The following GPC6 variants were observed in gnomAD, a reference collection of about 807,000 sequenced individuals.
The protein encoded by GPC6 is glypican-6.
Under a neutral mutation model 55.2 loss-of-function variants are expected in GPC6, and 14 were observed. The observed-to-expected ratio is 0.25, with a 90% CI of 0.17 to 0.40. The LOEUF (loss-of-function observed/expected upper bound fraction) is 0.40, where lower values mean the gene tolerates loss of function less well. Ranked by LOEUF, GPC6 falls within the 10% of genes least tolerant of loss-of-function variation. The pLI, the probability that GPC6 is intolerant of heterozygous loss-of-function variation, is 1.00. For missense variants in GPC6, 641 were observed against 708.5 expected (o/e 0.90, Z 1.08); for synonymous variants, 278 against 259.6 (o/e 1.07, Z -0.68).
chr13:93,959,135 A>T (rs1241075790), intron 3 of GPC6, among the ~76,000 whole-genome samples: 3 of 150,872 alleles, frequency 2.0e-5, no homozygotes, highest in Admixed American at 2.0e-4. Flanking sequence ...ATATAATTTG[A>T]CTACTTTTTT....
intron 4 of GPC6, among the ~76,000 whole-genome samples, chr13:94,231,557 T>C (rs1017027345): frequency 6.6e-6 from 1 of 152,200 alleles, no homozygotes; most frequent in African/African-American, 2.4e-5. Flanking sequence ...TTATTAAAAA[T>C]CAATGCTAAA....
intron 3 of GPC6, among the ~76,000 whole-genome samples, chr13:93,845,249 C>G (rs1256412211): frequency 6.6e-6 from 1 of 151,346 alleles, no homozygotes; most frequent in East Asian, 2.0e-4. Flanking sequence ...TCATCACTGG[C>G]CATCAGAGAA....
At chr13:93,657,590 A>G (rs979424655) in intron 2 of GPC6, among the ~76,000 whole-genome samples, 1 of 152,140 alleles carries the variant, frequency 6.6e-6, no homozygotes, top group Non-Finnish European at 1.5e-5. Flanking sequence ...CAAAAACAAA[A>G]TTTGACAAGT....
chr13:93,763,126 C>T (rs563849701), intron 2 of GPC6, among the ~76,000 whole-genome samples: 13 of 152,294 alleles, frequency 8.5e-5, no homozygotes, highest in Non-Finnish European at 1.3e-4. Context: ...AATTCAGTGT[C>T]GCTCTGATAT....
At chr13:93,856,254 C>T (rs1043697808) in intron 3 of GPC6, among the ~76,000 whole-genome samples, 1 of 151,562 alleles carries the variant, frequency 6.6e-6, no homozygotes, top group Non-Finnish European at 1.5e-5. Flanking sequence ...TACTCAACAG[C>T]AGCTGAAAGT....
chr13:93,225,439 G>GA (rs764001874), upstream of GPC6, among the ~76,000 whole-genome samples: 8 of 151,914 alleles, frequency 5.3e-5, no homozygotes, highest in Non-Finnish European at 7.4e-5. Context: ...AATTTTAAGA[G>GA]AAAAAAAGTT....
intron 7 of GPC6, among the ~76,000 whole-genome samples, chr13:94,388,778 G>A (rs1384326084): frequency 6.6e-6 from 1 of 152,064 alleles, no homozygotes; most frequent in Non-Finnish European, 1.5e-5. Context: ...CTCTTATAAG[G>A]GAGCTAGTAT....
At chr13:93,608,060 T>C (rs1406693392) in intron 2 of GPC6, among the ~76,000 whole-genome samples, 4 of 152,140 alleles carry the variant, frequency 2.6e-5, no homozygotes, top group Non-Finnish European at 4.4e-5. Context: ...GTATCACTTA[T>C]GGCATTGTAT....
At chr13:93,645,262 T>A (rs956935349) in intron 2 of GPC6, among the ~76,000 whole-genome samples, 3 of 147,490 alleles carry the variant, frequency 2.0e-5, no homozygotes, top group Non-Finnish European at 4.5e-5. Context: ...TTTTTTTTTT[T>A]AACTGGGTAC....
chr13:94,252,525 G>A (rs1438725218), intron 4 of GPC6, among the ~76,000 whole-genome samples: 1 of 152,020 alleles, frequency 6.6e-6, no homozygotes, highest in Non-Finnish European at 1.5e-5. Context: ...GTCGGATAAT[G>A]GCGATTTCAA....
intron 4 of GPC6, among the ~76,000 whole-genome samples, chr13:94,227,099 G>A (rs1458668636): frequency 6.6e-6 from 1 of 152,172 alleles, no homozygotes; most frequent in Non-Finnish European, 1.5e-5. Context: ...ACAACTCACT[G>A]TGTAGAGGAT....
chr13:94,119,096 T>A (rs1405198628), intron 4 of GPC6, among the ~76,000 whole-genome samples: 2 of 152,042 alleles, frequency 1.3e-5, no homozygotes, highest in Non-Finnish European at 2.9e-5. Context: ...CATATATGTA[T>A]AAAATCAGAA....
chr13:93,834,652 ATAAAT>A (rs1324700089), intron 3 of GPC6, among the ~76,000 whole-genome samples: 8 of 152,160 alleles, frequency 5.3e-5, no homozygotes, highest in East Asian at 1.9e-4. Context: ...TTTTAATGAA[ATAAAT>A]TAAGATGTAG....
intron 4 of GPC6, among the ~76,000 whole-genome samples, chr13:94,112,534 C>T (rs1285039286): frequency 6.6e-6 from 1 of 152,144 alleles, no homozygotes; most frequent in East Asian, 1.9e-4. Context: ...GTCCAAGTTC[C>T]CTTTCCACAG....
intron 4 of GPC6, among the ~76,000 whole-genome samples, chr13:94,115,541 C>G (rs2138846005): frequency 6.6e-6 from 1 of 152,230 alleles, no homozygotes; most frequent in Admixed American, 6.5e-5. Flanking sequence ...CTCATTGACC[C>G]TTCCTCAGGT....
chr13:94,098,641 A>G (rs1885748836), intron 4 of GPC6, among the ~76,000 whole-genome samples: 1 of 152,030 alleles, frequency 6.6e-6, no homozygotes, highest in South Asian at 2.1e-4. Context: ...TTGTTTCTTT[A>G]GTGTATGCCC....
chr13:93,234,603 A>C (rs577367379), intron 1 of GPC6, among the ~76,000 whole-genome samples: 15 of 152,218 alleles, frequency 9.9e-5, no homozygotes, highest in Middle Eastern at 3.4e-3. Context: ...AGTAGGTGAA[A>C]TGGATCAAAG....
intron 1 of GPC6, among the ~76,000 whole-genome samples, chr13:93,430,299 G>T (rs554351341): frequency 1.3e-5 from 2 of 151,184 alleles, no homozygotes; most frequent in African/African-American, 4.9e-5. Context: ...AATAGAGAGA[G>T]TTCCTTTTTA....
intron 2 of GPC6, among the ~76,000 whole-genome samples, chr13:93,782,162 A>G (rs749558567): frequency 2.6e-5 from 4 of 152,054 alleles, no homozygotes; most frequent in Non-Finnish European, 5.9e-5. Context: ...GATTCCATGT[A>G]TGTGTGAGAT....
Sources: gnomAD v4.1 joint callset for allele counts (sites outside exome capture counted in the v4.1 genomes callset) on GRCh38, gnomAD v4.1.1 for gene constraint, MANE v1.5 for transcripts, NCBI Gene and HGNC (gene_info 2026-07-23, HGNC 2026-07-21) for gene names.